Variants in LRRC3B observed in about 807,000 individuals in gnomAD.
The protein encoded by LRRC3B is leucine rich repeat containing 3B, also known as leucine-rich repeat-containing protein 3B.
A neutral mutation model predicts 12.8 loss-of-function variants in LRRC3B; 2 were observed. That is an observed-to-expected ratio of 0.16 (90% CI 0.06 to 0.49). The LOEUF (loss-of-function observed/expected upper bound fraction) is 0.49, where lower values mean the gene tolerates loss of function less well. LRRC3B is among the 20% of genes least tolerant of loss of function. LRRC3B has a pLI of 0.96. For missense variants in LRRC3B, 189 were observed against 319.4 expected, an observed-to-expected ratio of 0.59 and a Z score of 3.11; for synonymous variants, 132 against 122.0, an observed-to-expected ratio of 1.08 and a Z score of -0.54.
intron 1 of LRRC3B, among the ~76,000 whole-genome samples, chr3:26,684,819 G>A (rs1340523435): frequency 6.6e-6 from 1 of 152,192 alleles, no homozygotes; most frequent in East Asian, 1.9e-4. Flanking sequence ...ATAAACATAT[G>A]TAATATGTTC....
chr3:26,666,745 T>C (rs375444787), intron 1 of LRRC3B, among the ~76,000 whole-genome samples: 23 of 152,296 alleles, frequency 1.5e-4, no homozygotes, highest in African/African-American at 5.5e-4. Flanking sequence ...TCACCAGTTT[T>C]CCCACTAATG....
At chr3:26,679,860 T>A (rs1057269376) in intron 1 of LRRC3B, among the ~76,000 whole-genome samples, 1 of 152,092 alleles carries the variant, frequency 6.6e-6, no homozygotes, top group Non-Finnish European at 1.5e-5. Context: ...AGCAAATAAA[T>A]GATGAGAAGG....
At chr3:26,647,140 A>G (rs1699169650) in intron 1 of LRRC3B, among the ~76,000 whole-genome samples, 1 of 151,964 alleles carries the variant, frequency 6.6e-6, no homozygotes, top group Non-Finnish European at 1.5e-5. Context: ...TCCTCCCTCC[A>G]ATCACCCCAT....
At chr3:26,676,055 C>T (rs1262684525) in intron 1 of LRRC3B, among the ~76,000 whole-genome samples, 2 of 148,960 alleles carry the variant, frequency 1.3e-5, no homozygotes, top group African/African-American at 2.5e-5. Context: ...CAAAGAATAG[C>T]CTTCAATTTG....
At chr3:26,701,415 G>A (rs1700451291) in intron 1 of LRRC3B, 1 of 152,216 alleles carries the variant, frequency 6.6e-6, no homozygotes, top group African/African-American at 2.4e-5. Context: ...GACTCTGATA[G>A]TGGATTCGTT....
At chr3:26,703,051 A>T (rs1228456322) in intron 1 of LRRC3B, among the ~76,000 whole-genome samples, 1 of 152,128 alleles carries the variant, frequency 6.6e-6, no homozygotes, top group Non-Finnish European at 1.5e-5. Flanking sequence ...TGAAGAAGTT[A>T]TTATCTCCAA....
chr3:26,622,961 C>G (rs1426547975), exon 1 of LRRC3B: 1 of 151,580 alleles, frequency 6.6e-6, no homozygotes, highest in African/African-American at 2.4e-5. Context: ...CGCCCGGGGC[C>G]GCACCCTCGC....
intron 1 of LRRC3B, among the ~76,000 whole-genome samples, chr3:26,691,105 G>GTGTATATATATATATATATATATATATA (rs372629683): frequency 2.4e-5 from 2 of 84,848 alleles, no homozygotes; most frequent in Non-Finnish European, 2.2e-5. Context: ...GTGTGTGTGT[G>GTGTATATATATATATATATATATATATA]TATATATATA....
intron 1 of LRRC3B, among the ~76,000 whole-genome samples, chr3:26,638,642 C>A (rs1184795906): frequency 6.6e-6 from 1 of 151,838 alleles, no homozygotes; most frequent in African/African-American, 2.4e-5. Context: ...AACAAACATG[C>A]CATAGTTCAA....
At chr3:26,654,755 T>TTA (rs1294208081) in intron 1 of LRRC3B, among the ~76,000 whole-genome samples, 1 of 152,194 alleles carries the variant, frequency 6.6e-6, no homozygotes, top group African/African-American at 2.4e-5. Context: ...TGATGCAATC[T>TTA]TATATGCCAT....
At chr3:26,632,013 T>A (rs1698766970) in intron 1 of LRRC3B, among the ~76,000 whole-genome samples, 1 of 152,258 alleles carries the variant, frequency 6.6e-6, no homozygotes. Flanking sequence ...CCTTATATGT[T>A]ACAGATCCAA....
chr3:26,653,957 G>A (rs1699318745), intron 1 of LRRC3B, among the ~76,000 whole-genome samples: 1 of 148,226 alleles, frequency 6.7e-6, no homozygotes, highest in African/African-American at 2.5e-5. Flanking sequence ...GCACCAGATG[G>A]CTATTTTTTT....
At chr3:26,685,471 A>G (rs1700056248) in intron 1 of LRRC3B, among the ~76,000 whole-genome samples, 1 of 133,778 alleles carries the variant, frequency 7.5e-6, no homozygotes, top group South Asian at 2.5e-4. Flanking sequence ...CAACTAAGAT[A>G]TGGTAGACTC....
chr3:26,695,986 T>C (rs1700306065), intron 1 of LRRC3B, among the ~76,000 whole-genome samples: 4 of 152,242 alleles, frequency 2.6e-5, no homozygotes, highest in African/African-American at 9.6e-5. Context: ...ATTTTAAAGG[T>C]ATTCCCATTT....
At chr3:26,627,972 T>C (rs762838038) in intron 1 of LRRC3B, among the ~76,000 whole-genome samples, 13 of 152,132 alleles carry the variant, frequency 8.5e-5, no homozygotes, top group Non-Finnish European at 1.8e-4. Flanking sequence ...GGGGAATCCT[T>C]TGGAACCTGG....
At chr3:26,679,749 A>G (rs1699931950) in intron 1 of LRRC3B, among the ~76,000 whole-genome samples, 1 of 152,142 alleles carries the variant, frequency 6.6e-6, no homozygotes, top group South Asian at 2.1e-4. Flanking sequence ...GTGGAGCTTT[A>G]TGAGGGCAGA....
Position 26,640,813 on chromosome 3 carries a change from G to A in LRRC3B, c.-161+17576G>A, listed in dbSNP as rs180958860. Among the ~76,000 whole-genome samples the A allele has an allele frequency of 1.0e-3, 153 of 152,232 alleles. 2 individuals carry two copies. Among genetic ancestry groups the A allele is most frequent in the Non-Finnish European group, 2.5e-4 (17 of 68,008 alleles). Reference sequence around the variant, plus strand: ...CATATCCATTGGACTGTGAGCTGGCGAAATGGCTTAAAAAGGACTTTGGGA... The same window carrying A: ...CATATCCATTGGACTGTGAGCTGGCAAAATGGCTTAAAAAGGACTTTGGGA... On this transcript the variant is annotated intron_variant, in intron 1 of 1. Coordinates refer to ENST00000396641, the Ensembl canonical transcript of LRRC3B.
At chr3:26,623,106 C>G (rs1348586700) in exon 1 of LRRC3B, 2 of 152,112 alleles carry the variant, frequency 1.3e-5, no homozygotes, top group African/African-American at 4.8e-5. Flanking sequence ...GTGGGCAGCT[C>G]GGCTTGCAGC....
At chr3:26,668,382 C>T (rs932068679) in intron 1 of LRRC3B, among the ~76,000 whole-genome samples, 1 of 151,992 alleles carries the variant, frequency 6.6e-6, no homozygotes, top group Admixed American at 6.6e-5. Context: ...TGAAATTGCC[C>T]AATGGGACAA....
Sources: gnomAD v4.1 joint callset for allele counts (sites outside exome capture counted in the v4.1 genomes callset) on GRCh38, gnomAD v4.1.1 for gene constraint, MANE v1.5 for transcripts, NCBI Gene and HGNC (gene_info 2026-07-23, HGNC 2026-07-21) for gene names.